The following RFX3 variants were observed in gnomAD, a reference collection of about 807,000 sequenced individuals.
RFX3 encodes the protein regulatory factor X3.
Under a neutral mutation model 98.6 loss-of-function variants are expected in RFX3, and 14 were observed. That is an observed-to-expected ratio of 0.14 (90% CI 0.09 to 0.22). The LOEUF (loss-of-function observed/expected upper bound fraction) is 0.22, where lower values mean the gene tolerates loss of function less well. Ranked by LOEUF, RFX3 falls within the 10% of genes least tolerant of loss-of-function variation. The pLI is 1.00. For synonymous variants in RFX3, 383 were observed against 328.4 expected, an observed-to-expected ratio of 1.17 and a Z score of -1.80; for missense variants, 639 against 926.9, an observed-to-expected ratio of 0.69 and a Z score of 4.03.
At chr9:3,348,994 G>A (rs1041318123) in intron 2 of RFX3, among the ~76,000 whole-genome samples, 6 of 152,074 alleles carry the variant, frequency 3.9e-5, no homozygotes, top group Non-Finnish European at 7.4e-5. Context: ...GACTACAATT[G>A]GGACCCATTA....
intron 15 of RFX3, among the ~76,000 whole-genome samples, chr9:3,230,440 A>G (rs1818313975): frequency 2.0e-5 from 3 of 152,210 alleles, no homozygotes; most frequent in African/African-American, 7.2e-5. Context: ...ACAAATATAA[A>G]TCATAAATAC....
chr9:3,266,309 A>C lies in RFX3; in HGVS notation c.1358-4T>G, dbSNP rs1420806795. 2 of 1,587,646 alleles carry C rather than the reference A, an allele frequency of 1.3e-6. No individual in the cohort carries two copies. Among genetic ancestry groups the C allele is most frequent in the African/African-American group, 2.7e-5 (2 of 74,104 alleles). On this transcript the variant is annotated splice_region_variant and splice_polypyrimidine_tract_variant and intron_variant, in intron 11 of 16. Transcript: ENST00000617270. ...CGAATGGCTTGGGTCAAGGCACCTA[A>C]ACATTAAAGAATAAAAGCAGGATAA...
chr9:3,516,257 C>T (rs1019955897), intron 1 of RFX3, among the ~76,000 whole-genome samples: 9 of 151,990 alleles, frequency 5.9e-5, no homozygotes, highest in Admixed American at 5.9e-4. Context: ...ATCGTGTTAG[C>T]CAGGATGGTC....
intron 1 of RFX3, among the ~76,000 whole-genome samples, chr9:3,445,732 G>C (rs1845989785): frequency 6.6e-6 from 1 of 152,066 alleles, no homozygotes; most frequent in Admixed American, 6.6e-5. Context: ...GCGATCGATA[G>C]GAGATCTTCC....
intron 1 of RFX3, among the ~76,000 whole-genome samples, chr9:3,517,926 C>T (rs999707045): frequency 3.9e-5 from 6 of 152,158 alleles, no homozygotes; most frequent in African/African-American, 1.4e-4. Flanking sequence ...CATCCCATAA[C>T]AAAATGGAGC....
intron 1 of RFX3, among the ~76,000 whole-genome samples, chr9:3,504,922 A>ATATATTATATATATATATATAATATATAT (rs1816716068): frequency 4.2e-5 from 1 of 23,838 alleles, no homozygotes; most frequent in East Asian, 2.5e-3. Flanking sequence ...ATAATATAAC[A>ATATATTATATATATATATATAATATATAT]TATATTATAT....
At chr9:3,339,538 C>T (rs1317040561) in intron 3 of RFX3, among the ~76,000 whole-genome samples, 2 of 152,146 alleles carry the variant, frequency 1.3e-5, no homozygotes, top group Non-Finnish European at 2.9e-5. Context: ...TACTTAAAGC[C>T]ACCAAGTAGT....
intron 1 of RFX3, among the ~76,000 whole-genome samples, chr9:3,488,591 T>C (rs1850468887): frequency 6.6e-6 from 1 of 152,196 alleles, no homozygotes; most frequent in Non-Finnish European, 1.5e-5. Context: ...TTAAATATAC[T>C]ACCTATGATA....
At chr9:3,259,901 T>C (rs547812842) in intron 13 of RFX3, among the ~76,000 whole-genome samples, 2 of 152,156 alleles carry the variant, frequency 1.3e-5, no homozygotes, top group South Asian at 4.1e-4. Flanking sequence ...TAAATAGAAG[T>C]CTCCTTATTA....
At chr9:3,332,362 A>T (rs957605787) in intron 3 of RFX3, among the ~76,000 whole-genome samples, 3 of 152,224 alleles carry the variant, frequency 2.0e-5, no homozygotes, top group African/African-American at 7.2e-5. Flanking sequence ...AAAATATTTT[A>T]AATAATTTTG....
At chr9:3,311,166 T>C (rs865809564) in intron 4 of RFX3, among the ~76,000 whole-genome samples, 1 of 152,232 alleles carries the variant, frequency 6.6e-6, no homozygotes, top group African/African-American at 2.4e-5. Context: ...CTGTAAATTT[T>C]TTAGAGAAAC....
chr9:3,349,602 C>CTATGTTTAGGTTTT (rs1834859553), intron 2 of RFX3, among the ~76,000 whole-genome samples: 1 of 152,044 alleles, frequency 6.6e-6, no homozygotes, highest in Admixed American at 6.6e-5. Flanking sequence ...CAACAGGTAA[C>CTATGTTTAGGTTTT]CATTTTCACT....
chr9:3,519,233 A>G (rs1169901115), intron 1 of RFX3, among the ~76,000 whole-genome samples: 1 of 152,210 alleles, frequency 6.6e-6, no homozygotes, highest in African/African-American at 2.4e-5. Context: ...GAGTAAAACT[A>G]AAACATAACT....
At chr9:3,293,827 A>G (rs1827676673) in intron 5 of RFX3, among the ~76,000 whole-genome samples, 1 of 152,208 alleles carries the variant, frequency 6.6e-6, no homozygotes, top group Non-Finnish European at 1.5e-5. Flanking sequence ...GACAAAATTC[A>G]GTCGTTTCTT....
chr9:3,509,296 C>T (rs998651171), intron 1 of RFX3, among the ~76,000 whole-genome samples: 9 of 151,856 alleles, frequency 5.9e-5, no homozygotes, highest in African/African-American at 1.9e-4. Context: ...TTTTGTTCCA[C>T]AAAAGAGTGA....
intron 1 of RFX3, among the ~76,000 whole-genome samples, chr9:3,435,937 T>G (rs536744122): frequency 6.6e-6 from 1 of 152,070 alleles, no homozygotes; most frequent in East Asian, 1.9e-4. Flanking sequence ...CTGCTCCCAG[T>G]TGGTCTACAT....
chr9:3,301,542 T>C lies in RFX3; in HGVS notation c.549+4A>G. On this transcript the variant is annotated splice_donor_region_variant and intron_variant, in intron 5 of 16. Transcript: ENST00000617270. ...TTAGTGTACATGAAGAAGAGGCAAC[T>C]TACATGGCTGTTGAGAAGAGAGCTT... 1 of 1,595,198 alleles carries C rather than the reference T, an allele frequency of 6.3e-7. No homozygotes were observed. Among genetic ancestry groups the C allele is most frequent in the South Asian group, 1.1e-5 (1 of 89,120 alleles).
intron 1 of RFX3, among the ~76,000 whole-genome samples, chr9:3,469,883 C>A (rs1199365790): frequency 1.3e-5 from 2 of 151,864 alleles, no homozygotes; most frequent in Admixed American, 1.3e-4. Context: ...TGTGTAAGTC[C>A]CTAAACCAGC....
chr9:3,378,235 G>C lies in RFX3; in HGVS notation c.117+17237C>G, dbSNP rs189132441. The stretch of plus-strand genomic sequence containing the variant: ...TTGTTACATGACTGTCGAAGAATTG[G>C]ACAGGTACTCATTCTGCCCTTTTCT... On this transcript the variant is annotated intron_variant, in intron 2 of 16. Coordinates refer to ENST00000617270, the MANE Select transcript of RFX3 (RefSeq NM_001282116.2). Among the ~76,000 whole-genome samples, 408 of 152,206 alleles carry C rather than the reference G, an allele frequency of 2.7e-3. 2 individuals carry two copies. The highest frequency in any genetic ancestry group is 9.6e-3 in the African/African-American group (398 of 41,536).
Sources: allele counts gnomAD v4.1 joint callset (sites outside exome capture counted in the v4.1 genomes callset), GRCh38; gene constraint gnomAD v4.1.1; transcripts MANE v1.5; gene names NCBI Gene and HGNC (gene_info 2026-07-23, HGNC 2026-07-21).